ITPR2: variants seen among roughly 807,000 people sequenced by gnomAD.
ITPR2 encodes the protein inositol 1,4,5-trisphosphate-gated calcium channel ITPR2.
Under a neutral mutation model 317.1 loss-of-function variants are expected in ITPR2, and 207 were observed. The observed-to-expected ratio is 0.65, with a 90% CI of 0.58 to 0.73. The LOEUF is 0.73. Ranked by LOEUF, ITPR2 falls within the 30% of genes least tolerant of loss-of-function variation. The pLI, the probability that ITPR2 is intolerant of heterozygous loss-of-function variation, is 0.00. For synonymous variants in ITPR2, 1,156 were observed against 1,149.1 expected (o/e 1.01, Z -0.12); for missense variants, 2,613 against 3,284.0 (o/e 0.80, Z 4.99).
intron 1 of ITPR2, among the ~76,000 whole-genome samples, chr12:26,813,736 C>A (rs1170195993): frequency 1.3e-5 from 2 of 152,186 alleles, no homozygotes; most frequent in Admixed American, 6.5e-5. Context: ...GATAATTCTC[C>A]TTTCCATCAG....
At chr12:26,773,857 CTTA>C in intron 2 of ITPR2, among the ~76,000 whole-genome samples, 1 of 152,216 alleles carries the variant, frequency 6.6e-6, no homozygotes, top group East Asian at 1.9e-4. Context: ...GGAGAGTAAA[CTTA>C]TTATCCAATT....
At chr12:26,604,845 C>CGGCACTTT (rs1946085490) in intron 26 of ITPR2, among the ~76,000 whole-genome samples, 1 of 152,034 alleles carries the variant, frequency 6.6e-6, no homozygotes. Flanking sequence ...CCTGTAATCC[C>CGGCACTTT]GGCACTTTGG....
At chr12:26,542,320 A>C (rs980335315) in intron 37 of ITPR2, among the ~76,000 whole-genome samples, 1 of 152,216 alleles carries the variant, frequency 6.6e-6, no homozygotes, top group Non-Finnish European at 1.5e-5. Context: ...TGTAACTGAG[A>C]AAATAAATGA....
At position 26,340,325 on chromosome 12, in the gene ITPR2, TCTC is replaced by T; in HGVS notation, c.7858_7860del (p.Glu2620del). 6.3e-7 allele frequency: 1 copy of T among 1,596,512 alleles called. No homozygotes were observed. Among genetic ancestry groups the T allele is most frequent in the Non-Finnish European group, 8.5e-7 (1 of 1,171,292 alleles). ...ATCCGAGGAAACCAATCCAAATTCT[TCTC>T]CTGAAAGCAAATAAATGTGTGCGAA... On this transcript the variant is annotated inframe_deletion and splice_region_variant, in exon 56 of 57. Coordinates refer to ENST00000381340, the MANE Select transcript of ITPR2 (RefSeq NM_002223.4).
chr12:26,639,786 C>A (rs2136858168), intron 21 of ITPR2, among the ~76,000 whole-genome samples: 1 of 151,974 alleles, frequency 6.6e-6, no homozygotes, highest in Non-Finnish European at 1.5e-5. Flanking sequence ...CATGTCCCTA[C>A]AAAGGACATG....
chr12:26,556,445 A>G, intron 35 of ITPR2, 70 bp from the exon 36 acceptor site: 1 of 1,468,276 alleles, frequency 6.8e-7, no homozygotes, highest in Non-Finnish European at 9.2e-7. Context: ...AGATAAGACA[A>G]GCTCAAGAAT....
chr12:26,477,655 A>G (rs963050695), intron 43 of ITPR2, among the ~76,000 whole-genome samples: 1 of 152,108 alleles, frequency 6.6e-6, no homozygotes, highest in African/African-American at 2.4e-5. Flanking sequence ...AAAATAGCTT[A>G]TGTTGTCTTT....
chr12:26,663,632 C>A, intron 15 of ITPR2, 53 bp downstream of exon 15: 2 of 1,481,394 alleles, frequency 1.4e-6, no homozygotes, highest in East Asian at 4.7e-5. Context: ...AACCAAAGAA[C>A]CTTGCCCATA....
chr12:26,632,667 A>T (rs1005957554), intron 21 of ITPR2, among the ~76,000 whole-genome samples: 2 of 152,324 alleles, frequency 1.3e-5, no homozygotes, highest in Admixed American at 6.5e-5. Flanking sequence ...ATTTGAATAG[A>T]AAACCATTAC....
Position 26,419,191 on chromosome 12 carries a change from A to C in ITPR2, c.6968T>G (p.Leu2323Arg). ...GCCACGATTTCCAACAAAACTCACC[A>C]GAAAAACAATTTTATTACAAAGCTA... ...AANLCNKIVF[L>R]VSFVGNRGTF... is the part of the protein sequence containing the mutation. The change falls in exon 50 of 57, where the codon CTG (leucine) becomes CGG (arginine). Residue 2323 changes from leucine (L) to arginine (R), a missense_variant. This residue lies in a region of ITPR2 where 78 missense variants were observed against 110.3 expected (regional missense o/e 0.71). Transcript: ENST00000381340. The C allele has an allele frequency of 2.5e-6, 4 of 1,613,628 alleles. No homozygotes were observed. Among genetic ancestry groups the C allele is most frequent in the Non-Finnish European group, 3.4e-6 (4 of 1,179,690 alleles).
chr12:26,563,716 C>T (rs573305645), intron 34 of ITPR2, among the ~76,000 whole-genome samples: 13 of 152,298 alleles, frequency 8.5e-5, no homozygotes, highest in South Asian at 2.1e-4. Context: ...TATGCATGCA[C>T]GCACACAAAC....
chr12:26,801,072 CATGCTGTGGCCTAAA>C (rs1950548345), intron 1 of ITPR2: 1 of 196,124 alleles, frequency 5.1e-6, no homozygotes, highest in Non-Finnish European at 1.1e-5. Context: ...GTTGGTGAAT[CATGCTGTGGCCTAAA>C]ACGAGGAGGG....
At chr12:26,450,653 A>G (rs17472165) in intron 45 of ITPR2, among the ~76,000 whole-genome samples, 9,269 of 152,290 alleles carry the variant, frequency 0.061, 414 homozygotes, top group South Asian at 0.096. Context: ...GATCAGCTTC[A>G]GGAATTCCTA....
chr12:26,443,729 C>G, intron 45 of ITPR2, 79 bp from the exon 46 acceptor site: 1 of 1,010,998 alleles, frequency 9.9e-7, no homozygotes, highest in Non-Finnish European at 1.5e-6. Flanking sequence ...TCTTTGTCTA[C>G]TTGTACACAT....
At position 26,711,105 on chromosome 12, in the gene ITPR2, C is replaced by T. The variant is rs559301914; in HGVS notation, c.951+68G>A. 70 of 1,033,326 alleles carry T rather than the reference C, an allele frequency of 6.8e-5. 1 individual carries two copies. The highest frequency in any genetic ancestry group is 4.6e-4 in the South Asian group (35 of 76,630). 64.0% of individuals were successfully genotyped at this position (1,033,326 alleles called of 1,614,324 possible). On this transcript the variant is annotated intron_variant, in intron 9 of 56. Transcript: ENST00000381340. The stretch of plus-strand genomic sequence containing the variant: ...TTCCTGCAAATACGATGTCTTGTGG[C>T]GAACCCAACTGCCTCTTTCACTAAT...
rs148498786 is a variant in ITPR2 at position 26,650,587 on chromosome 12, T to A, written c.2740+3389A>T. Among the ~76,000 whole-genome samples, 303 of 152,284 alleles carry A rather than the reference T, an allele frequency of 2.0e-3. 1 individual carries two copies. Among genetic ancestry groups the A allele is most frequent in the African/African-American group, 7.0e-3 (292 of 41,558 alleles). On this transcript the variant is annotated intron_variant, in intron 21 of 56. Coordinates refer to ENST00000381340, the MANE Select transcript of ITPR2 (RefSeq NM_002223.4). ...CTGTATCTTCCTCTTAATGTTGCCA[T>A]GAACCTAAAACTGCTCTAAAAAAAA... is the stretch of plus-strand genomic sequence containing the variant.
chr12:26,539,276 C>T (rs1241373458), intron 37 of ITPR2, among the ~76,000 whole-genome samples: 2 of 152,200 alleles, frequency 1.3e-5, no homozygotes, highest in Non-Finnish European at 2.9e-5. Context: ...GAGCCTGATG[C>T]TGCTTGAGAT....
At chr12:26,813,309 A>G (rs1179769847) in intron 1 of ITPR2, among the ~76,000 whole-genome samples, 1 of 152,216 alleles carries the variant, frequency 6.6e-6, no homozygotes, top group Non-Finnish European at 1.5e-5. Context: ...GTTCATCTCT[A>G]TCACAATAAT....
chr12:26,465,945 C>T (rs1473899328), intron 45 of ITPR2, among the ~76,000 whole-genome samples: 1 of 152,174 alleles, frequency 6.6e-6, no homozygotes, highest in African/African-American at 2.4e-5. Context: ...ACTTTATCCC[C>T]AGCACTGAGA....
Sources: gnomAD v4.1 joint callset for allele counts (sites outside exome capture counted in the v4.1 genomes callset) on GRCh38, gnomAD v4.1.1 for gene constraint, gnomAD v4.1.1 regional missense constraint, MANE v1.5 for transcripts, NCBI Gene and HGNC (gene_info 2026-07-23, HGNC 2026-07-21) for gene names.